METTL15: variants seen among roughly 807,000 people sequenced by gnomAD.
The protein encoded by METTL15 is methyltransferase 15, mitochondrial 12S rRNA N4-cytidine.
In METTL15, 34 loss-of-function variants were observed where a neutral mutation model predicts 38.3. The observed-to-expected ratio is 0.89, with a 90% CI of 0.68 to 1.18. The LOEUF is 1.18. Ranked by LOEUF, METTL15 falls within the 50% of genes most tolerant of loss-of-function variation. The pLI is 0.00. For synonymous variants in METTL15, 162 were observed against 170.9 expected, an observed-to-expected ratio of 0.95 and a Z score of 0.41; for missense variants, 438 against 498.4, an observed-to-expected ratio of 0.88 and a Z score of 1.15.
intron 3 of METTL15, among the ~76,000 whole-genome samples, chr11:28,350,751 T>C (rs565648828): frequency 1.3e-5 from 2 of 152,344 alleles, no homozygotes; most frequent in East Asian, 3.9e-4. Context: ...AGGTATTCAC[T>C]GACTGTCTGA....
At position 28,445,078 on chromosome 11, in the gene METTL15, G is replaced by A. The variant is rs539539252; in HGVS notation, c.*424+20714G>A. ...AGAACTGTGACAGCTCCAGAGATGA[G>A]GATGAAGTGGAAAGCAGGAGTCCGA... On this transcript the variant is annotated intron_variant and NMD_transcript_variant, in intron 6 of 7. Transcript: ENST00000532947. 2.0e-5 allele frequency among the ~76,000 whole-genome samples: 3 copies of A among 152,182 alleles called. No homozygotes were observed. The South Asian group carries it at 6.2e-4, about 32-fold the overall frequency.
At chr11:28,173,637 C>A (rs1244882157) in intron 3 of METTL15, among the ~76,000 whole-genome samples, 3 of 152,154 alleles carry the variant, frequency 2.0e-5, no homozygotes, top group African/African-American at 4.8e-5. Flanking sequence ...GATACACAAT[C>A]ATTAACTAAA....
chr11:28,108,573 C>T (rs117238977), intron 1 of METTL15, 121 bp downstream of exon 1: 1 of 152,262 alleles, frequency 6.6e-6, no homozygotes, highest in South Asian at 2.1e-4. Flanking sequence ...AGTAGTGAGG[C>T]CTCCAAGAAG....
At chr11:28,202,215 G>C (rs902283873) in intron 3 of METTL15, among the ~76,000 whole-genome samples, 1 of 151,920 alleles carries the variant, frequency 6.6e-6, no homozygotes, top group East Asian at 1.9e-4. Context: ...AAATTAAAGT[G>C]GGGGTGGAAA....
intron 4 of METTL15, among the ~76,000 whole-genome samples, chr11:28,281,730 A>C (rs1856063762): frequency 6.6e-6 from 1 of 152,184 alleles, no homozygotes; most frequent in South Asian, 2.1e-4. Context: ...CCTGACATTT[A>C]GTAGAAGCTC....
intron 4 of METTL15, among the ~76,000 whole-genome samples, chr11:28,255,223 C>A (rs1037375876): frequency 3.9e-5 from 6 of 151,994 alleles, no homozygotes; most frequent in Non-Finnish European, 8.8e-5. Flanking sequence ...TTATTTATAG[C>A]TGTTATAAAT....
chr11:28,351,477 A>G (rs1204548043), intron 3 of METTL15, among the ~76,000 whole-genome samples: 1 of 152,176 alleles, frequency 6.6e-6, no homozygotes, highest in African/African-American at 2.4e-5. Flanking sequence ...AACATCTGGA[A>G]TCTTCATTTT....
At chr11:28,390,769 G>C (rs550020363) in intron 5 of METTL15, among the ~76,000 whole-genome samples, 2 of 152,258 alleles carry the variant, frequency 1.3e-5, no homozygotes, top group Non-Finnish European at 2.9e-5. Flanking sequence ...TGTGAAGAAA[G>C]GCATTGGTAG....
At position 28,242,503 on chromosome 11, in the gene METTL15, C is replaced by T. The variant is rs184627090; in HGVS notation, c.407+31305C>T. ...ATCATTCCTAGAATATAAAAATGCT[C>T]ATTTTTCTAAAAGTAAGAAAATGAT... On this transcript the variant is annotated intron_variant, in intron 4 of 6. Transcript: ENST00000407364. Among the ~76,000 whole-genome samples the T allele has an allele frequency of 3.0e-4, 45 of 152,248 alleles. No individual in the cohort carries two copies. In the East Asian group the frequency reaches 6.8e-3, roughly 23 times the overall value.
intron 3 of METTL15, chr11:28,125,739 T>C (rs1590763596): frequency 6.6e-6 from 1 of 152,220 alleles, no homozygotes; most frequent in South Asian, 2.1e-4. Context: ...CAGGTACAAC[T>C]TAAATTGCTG....
chr11:28,220,752 G>A (rs193192042), intron 4 of METTL15, among the ~76,000 whole-genome samples: 1 of 152,126 alleles, frequency 6.6e-6, no homozygotes, highest in Non-Finnish European at 1.5e-5. Context: ...TGTAGGGCAG[G>A]GCTGGTGGTG....
intron 6 of METTL15, among the ~76,000 whole-genome samples, chr11:28,477,960 T>C (rs1386900289): frequency 6.6e-6 from 1 of 152,224 alleles, no homozygotes; most frequent in Non-Finnish European, 1.5e-5. Flanking sequence ...GATATGGTTC[T>C]TACATGTTGG....
chr11:28,390,042 G>A lies in METTL15; in HGVS notation c.*358+28006G>A, dbSNP rs1433734178. Among the ~76,000 whole-genome samples, 20 of 151,456 alleles carry A rather than the reference G, an allele frequency of 1.3e-4. No individual in the cohort carries two copies. The East Asian group carries it at 3.3e-3, about 25-fold the overall frequency. On this transcript the variant is annotated intron_variant and NMD_transcript_variant, in intron 5 of 7. Transcript: ENST00000532947. ...GCATAAATGTCTTCTTTTGAGAAGT[G>A]TCTGTTCATATCCTTTGCCCACTTT...
intron 3 of METTL15, among the ~76,000 whole-genome samples, chr11:28,201,739 A>G (rs560837408): frequency 2.6e-5 from 4 of 151,458 alleles, no homozygotes; most frequent in African/African-American, 9.7e-5. Context: ...ATCAGAGACC[A>G]TATCTACTTT....
chr11:28,356,752 G>T (rs950143290), intron 4 of METTL15, among the ~76,000 whole-genome samples: 2 of 152,170 alleles, frequency 1.3e-5, no homozygotes, highest in East Asian at 3.9e-4. Flanking sequence ...CTTTTCATAG[G>T]ACAAGCTGAA....
At position 28,408,148 on chromosome 11, in the gene METTL15, G is replaced by A. The variant is rs561972597; in HGVS notation, c.*359-16151G>A. Among the ~76,000 whole-genome samples, 5 of 152,034 alleles carry A rather than the reference G, an allele frequency of 3.3e-5. No individual in the cohort carries two copies. The East Asian group carries it at 5.8e-4, about 18-fold the overall frequency. On this transcript the variant is annotated intron_variant and NMD_transcript_variant, in intron 5 of 7. Transcript: ENST00000532947. ...AGGTAAGGGAACAATACACACTGGG[G>A]CCTGTTGGTTCAGGGGGTGGGGTGG...
chr11:28,338,260 T>G (rs1849919547), downstream of METTL15, among the ~76,000 whole-genome samples: 1 of 152,094 alleles, frequency 6.6e-6, no homozygotes. Flanking sequence ...TTCTGTTTTC[T>G]TTCATAATTT....
intron 6 of METTL15, among the ~76,000 whole-genome samples, chr11:28,301,811 C>T (rs946126608): frequency 1.3e-5 from 2 of 151,972 alleles, no homozygotes; most frequent in Admixed American, 6.6e-5. Context: ...GATTATAAGC[C>T]CTGCTGTGAC....
At chr11:28,178,720 T>A (rs371164722) in intron 3 of METTL15, among the ~76,000 whole-genome samples, 163 of 151,974 alleles carry the variant, frequency 1.1e-3, no homozygotes, top group African/African-American at 2.1e-3. Flanking sequence ...TAAGTGTTAA[T>A]CTTTTTATTG....
Sources: allele counts gnomAD v4.1 joint callset (sites outside exome capture counted in the v4.1 genomes callset), GRCh38; gene constraint gnomAD v4.1.1; transcripts MANE v1.5; gene names NCBI Gene and HGNC (gene_info 2026-07-23, HGNC 2026-07-21).